Variants in POU6F2 observed in about 807,000 individuals in gnomAD.
POU6F2 encodes POU class 6 homeobox 2.
Under a neutral mutation model 71.3 loss-of-function variants are expected in POU6F2, and 31 were observed. The observed-to-expected ratio is 0.43, with a 90% CI of 0.33 to 0.59. POU6F2 has a LOEUF of 0.59. Ranked by LOEUF, POU6F2 falls within the 20% of genes least tolerant of loss-of-function variation. The probability of loss-of-function intolerance (pLI) is 0.04; values close to 1 mark genes in which losing one functional copy is unlikely to be tolerated. For synonymous variants in POU6F2, 347 were observed against 355.7 expected (o/e 0.98, Z 0.27); for missense variants, 783 against 856.8 (o/e 0.91, Z 1.07).
intron 4 of POU6F2, among the ~76,000 whole-genome samples, chr7:39,246,924 T>TTTTTTTTTTTTTTC (rs1783831408): frequency 9.3e-6 from 1 of 107,050 alleles, no homozygotes; most frequent in Non-Finnish European, 2.1e-5. Context: ...TTTTTTTTTT[T>TTTTTTTTTTTTTTC]TTTTGCGACG....
chr7:39,452,281 C>T (rs1788680601), intron 8 of POU6F2, among the ~76,000 whole-genome samples: 1 of 152,112 alleles, frequency 6.6e-6, no homozygotes, highest in African/African-American at 2.4e-5. Flanking sequence ...TGCAAGTCTG[C>T]CTCCCTAAAT....
intron 6 of POU6F2, among the ~76,000 whole-genome samples, chr7:39,418,546 C>T (rs1301686361): frequency 6.6e-6 from 1 of 151,878 alleles, no homozygotes; most frequent in Admixed American, 6.6e-5. Context: ...AAAAATTAGC[C>T]AGGTATAGAG....
At chr7:39,398,462 C>T (rs1041316414) in intron 5 of POU6F2, among the ~76,000 whole-genome samples, 3 of 151,904 alleles carry the variant, frequency 2.0e-5, no homozygotes, top group Non-Finnish European at 4.4e-5. Context: ...CAAATCAAGA[C>T]CTGTCTTCCA....
intron 4 of POU6F2, among the ~76,000 whole-genome samples, chr7:39,295,307 G>A (rs906751189): frequency 1.3e-5 from 2 of 152,136 alleles, no homozygotes; most frequent in Admixed American, 6.5e-5. Context: ...GAATTGTGAC[G>A]TGACAATAAG....
At position 39,454,966 on chromosome 7, in the gene POU6F2, C is replaced by T. The variant is rs1209677723; in HGVS notation, c.1489+3265C>T. ...AAGATGTTCATATGCAAAGAAAGCA[C>T]GTCTGGGCTCAGAATTACCAAACAT... is the stretch of plus-strand genomic sequence containing the variant. On this transcript the variant is annotated intron_variant, in intron 8 of 9. Transcript: ENST00000518318. Among the ~76,000 whole-genome samples the T allele has an allele frequency of 3.3e-5, 5 of 151,662 alleles. No homozygotes were observed. In the East Asian group the frequency reaches 5.8e-4, roughly 18 times the overall value.
At chr7:39,205,880 C>T (rs1007657071) in intron 3 of POU6F2, among the ~76,000 whole-genome samples, 1 of 152,108 alleles carries the variant, frequency 6.6e-6, no homozygotes, top group African/African-American at 2.4e-5. Context: ...CCACACCTCC[C>T]CTCATTCTTC....
chr7:39,393,401 C>G (rs1249580291), intron 5 of POU6F2, among the ~76,000 whole-genome samples: 2 of 152,140 alleles, frequency 1.3e-5, no homozygotes, highest in Middle Eastern at 3.2e-3. Context: ...AGCTGCTTTT[C>G]GAATCATCTG....
At chr7:39,273,718 G>A (rs1784382284) in intron 4 of POU6F2, among the ~76,000 whole-genome samples, 1 of 152,018 alleles carries the variant, frequency 6.6e-6, no homozygotes, top group Non-Finnish European at 1.5e-5. Context: ...GGAACAGTGA[G>A]TACTAACTAG....
At chr7:39,119,924 C>T (rs759739360) in intron 2 of POU6F2, among the ~76,000 whole-genome samples, 14 of 152,222 alleles carry the variant, frequency 9.2e-5, no homozygotes, top group African/African-American at 1.4e-4. Context: ...AAGGCACATA[C>T]GATGAATTGA....
At chr7:39,159,634 C>T (rs1271762266) in intron 2 of POU6F2, among the ~76,000 whole-genome samples, 1 of 151,896 alleles carries the variant, frequency 6.6e-6, no homozygotes, top group African/African-American at 2.4e-5. Context: ...ATGCATAGAA[C>T]ATATATTAAA....
chr7:39,174,160 G>A (rs980276359), intron 2 of POU6F2, among the ~76,000 whole-genome samples: 1 of 152,194 alleles, frequency 6.6e-6, no homozygotes, highest in African/African-American at 2.4e-5. Flanking sequence ...CTTTAAGCAG[G>A]AAGACACCGG....
At chr7:39,397,888 G>A (rs940553659) in intron 5 of POU6F2, among the ~76,000 whole-genome samples, 7 of 147,210 alleles carry the variant, frequency 4.8e-5, no homozygotes, top group Admixed American at 3.4e-4. Flanking sequence ...GTGCGATCTC[G>A]GCTCACTGCA....
chr7:38,992,237 T>C (rs1293313336), intron 1 of POU6F2, among the ~76,000 whole-genome samples: 1 of 152,222 alleles, frequency 6.6e-6, no homozygotes, highest in African/African-American at 2.4e-5. Context: ...GCTCCATTTG[T>C]TCCCTCTCAA....
At chr7:39,435,596 C>T (rs933312974) in intron 7 of POU6F2, among the ~76,000 whole-genome samples, 1 of 152,034 alleles carries the variant, frequency 6.6e-6, no homozygotes, top group Non-Finnish European at 1.5e-5. Flanking sequence ...CACTCTGATG[C>T]TAGTTTCTTT....
At chr7:39,427,104 T>C (rs1359846316) in intron 6 of POU6F2, among the ~76,000 whole-genome samples, 1 of 152,124 alleles carries the variant, frequency 6.6e-6, no homozygotes, top group African/African-American at 2.4e-5. Context: ...TGCCCAGGAG[T>C]TACCACACAA....
chr7:39,385,166 G>T (rs1786909915), intron 5 of POU6F2, among the ~76,000 whole-genome samples: 1 of 152,132 alleles, frequency 6.6e-6, no homozygotes, highest in South Asian at 2.1e-4. Context: ...TTCTATAATT[G>T]CTAATTAAAT....
chr7:39,400,816 A>T (rs930683838), intron 5 of POU6F2, among the ~76,000 whole-genome samples: 1 of 152,216 alleles, frequency 6.6e-6, no homozygotes, highest in Non-Finnish European at 1.5e-5. Flanking sequence ...ACTATACCAA[A>T]ATCATGGGAT....
At chr7:39,003,704 G>A (rs951716556) in intron 1 of POU6F2, among the ~76,000 whole-genome samples, 3 of 151,356 alleles carry the variant, frequency 2.0e-5, no homozygotes, top group South Asian at 2.1e-4. Context: ...AGCCAAGATC[G>A]CGCCACTGAA....
At chr7:39,378,975 T>C (rs905608660) in intron 5 of POU6F2, among the ~76,000 whole-genome samples, 1 of 152,050 alleles carries the variant, frequency 6.6e-6, no homozygotes, top group Non-Finnish European at 1.5e-5. Flanking sequence ...ATGCTAGAGG[T>C]GGATCAAGAA....
Sources: gnomAD v4.1 joint callset for allele counts (sites outside exome capture counted in the v4.1 genomes callset) on GRCh38, gnomAD v4.1.1 for gene constraint, MANE v1.5 for transcripts, NCBI Gene and HGNC (gene_info 2026-07-23, HGNC 2026-07-21) for gene names.